TMPRSS11F: variants seen among roughly 807,000 people sequenced by gnomAD.
The protein encoded by TMPRSS11F is transmembrane serine protease 11F.
In TMPRSS11F, 47 loss-of-function variants were observed where a neutral mutation model predicts 60.2. That is an observed-to-expected ratio of 0.78 (90% CI 0.62 to 1.00). TMPRSS11F has a LOEUF of 1.00. TMPRSS11F is among the 50% of genes least tolerant of loss of function. The probability of loss-of-function intolerance (pLI) is 0.00; values close to 1 mark genes in which losing one functional copy is unlikely to be tolerated. For missense variants in TMPRSS11F, 519 were observed against 522.9 expected, an observed-to-expected ratio of 0.99 and a Z score of 0.07; for synonymous variants, 166 against 167.3, an observed-to-expected ratio of 0.99 and a Z score of 0.06.
At position 68,068,609 on chromosome 4, in the gene TMPRSS11F, T is replaced by C. The variant is rs1361225040; in HGVS notation, c.755+9A>G. On this transcript the variant is annotated intron_variant, in intron 7 of 9. Coordinates refer to ENST00000356291, the MANE Select transcript of TMPRSS11F (RefSeq NM_207407.2). Reference sequence around the variant, plus strand: ...AAAAGAAGGCTCACAGCAGCCTTGGTTAACTTACTTCCAAAAGCAGTGAGC... The same window carrying C: ...AAAAGAAGGCTCACAGCAGCCTTGGCTAACTTACTTCCAAAAGCAGTGAGC... 6.2e-7 allele frequency: 1 copy of C among 1,612,846 alleles called. No homozygotes were observed. Among genetic ancestry groups the C allele is most frequent in the Non-Finnish European group, 8.5e-7 (1 of 1,179,022 alleles).
At chr4:68,075,858 T>A (rs1723572518) in intron 3 of TMPRSS11F, among the ~76,000 whole-genome samples, 1 of 151,730 alleles carries the variant, frequency 6.6e-6, no homozygotes, top group Admixed American at 6.6e-5. Flanking sequence ...CTGGCCATGG[T>A]GGTAGGCGCC....
intron 9 of TMPRSS11F, 54 bp from the exon 10 acceptor site, chr4:68,054,121 G>C (rs1336185754): frequency 6.5e-7 from 1 of 1,536,376 alleles, no homozygotes; most frequent in African/African-American, 1.4e-5. Flanking sequence ...CAGTGGGAAG[G>C]TATTGTAATC....
At chr4:68,122,955 C>CTAA (rs1348689337) in intron 1 of TMPRSS11F, among the ~76,000 whole-genome samples, 3 of 152,138 alleles carry the variant, frequency 2.0e-5, no homozygotes, top group African/African-American at 4.8e-5. Context: ...AGAACATAGT[C>CTAA]ACAGTTGCCT....
chr4:68,098,287 A>G, intron 2 of TMPRSS11F, among the ~76,000 whole-genome samples: 1 of 152,270 alleles, frequency 6.6e-6, no homozygotes, highest in African/African-American at 2.4e-5. Flanking sequence ...CCTGGGTGAT[A>G]ACTCAAGAAT....
chr4:68,068,524 G>A (rs1298440584), intron 7 of TMPRSS11F, 94 bp downstream of exon 7: 4 of 1,078,372 alleles, frequency 3.7e-6, no homozygotes, highest in African/African-American at 3.1e-5. Context: ...TGGAGCAAAG[G>A]TTAAACTGGA....
At chr4:68,061,737 A>G in intron 8 of TMPRSS11F, 1 of 419,474 alleles carries the variant, frequency 2.4e-6, no homozygotes, top group Non-Finnish European at 4.7e-6. Context: ...GTCTTGCTCT[A>G]CTAGCTTCCT....
intron 1 of TMPRSS11F, among the ~76,000 whole-genome samples, chr4:68,126,447 T>C (rs1177869881): frequency 6.6e-6 from 1 of 152,220 alleles, no homozygotes; most frequent in Non-Finnish European, 1.5e-5. Context: ...GTCTCTAGTT[T>C]TCAGCTTTTT....
At chr4:68,114,299 C>T (rs914947381) in intron 1 of TMPRSS11F, among the ~76,000 whole-genome samples, 1 of 151,136 alleles carries the variant, frequency 6.6e-6, no homozygotes, top group African/African-American at 2.4e-5. Context: ...TCAATAGAAA[C>T]AAGTCAGTTC....
At chr4:68,077,343 T>C (rs1723606711) in intron 3 of TMPRSS11F, 1 of 152,242 alleles carries the variant, frequency 6.6e-6, no homozygotes, top group South Asian at 2.1e-4. Context: ...TCTAACCCTC[T>C]AAGTTCCACA....
chr4:68,101,913 A>G (rs1046844002), intron 1 of TMPRSS11F, among the ~76,000 whole-genome samples: 2 of 152,110 alleles, frequency 1.3e-5, no homozygotes, highest in African/African-American at 4.8e-5. Context: ...TATAGTCCTC[A>G]TGTTGTACAT....
intron 1 of TMPRSS11F, among the ~76,000 whole-genome samples, chr4:68,112,861 A>G (rs949152942): frequency 6.6e-6 from 1 of 152,178 alleles, no homozygotes; most frequent in African/African-American, 2.4e-5. Context: ...GGCAGAATCT[A>G]TAGCATTCTT....
Position 68,077,195 on chromosome 4 carries a change from G to A in TMPRSS11F, c.283-3186C>T, listed in dbSNP as rs953015726. 2.0e-5 allele frequency: 3 copies of A among 152,286 alleles called. No homozygotes were observed. The East Asian group carries it at 5.8e-4, about 29-fold the overall frequency. The allele number at this position is 152,286 out of a possible 1,614,324, so 9.4% of individuals were successfully genotyped here. ...ATGAGCATACTGGGATAGCCAGCTG[G>A]ATGTAGGAGCCCCACTCCTGGGAAA... On this transcript the variant is annotated intron_variant, in intron 3 of 9. Coordinates refer to ENST00000356291, the MANE Select transcript of TMPRSS11F (RefSeq NM_207407.2).
At chr4:68,119,041 A>T (rs1307850623) in intron 1 of TMPRSS11F, among the ~76,000 whole-genome samples, 2 of 152,170 alleles carry the variant, frequency 1.3e-5, no homozygotes, top group Non-Finnish European at 2.9e-5. Context: ...TAAAAGTGTT[A>T]TTCCAGTGAA....
intron 1 of TMPRSS11F, among the ~76,000 whole-genome samples, chr4:68,115,444 T>C (rs1366720859): frequency 2.0e-5 from 3 of 151,180 alleles, no homozygotes; most frequent in East Asian, 1.9e-4. Context: ...ATAGCTAATA[T>C]ATGCAATGGT....
intron 1 of TMPRSS11F, among the ~76,000 whole-genome samples, chr4:68,105,059 T>G (rs1444197485): frequency 9.0e-5 from 13 of 145,230 alleles, no homozygotes; most frequent in African/African-American, 2.8e-4. Context: ...GTTTTTTTTT[T>G]TTTTTTTTTT....
intron 1 of TMPRSS11F, among the ~76,000 whole-genome samples, chr4:68,123,825 A>G (rs73823613): frequency 0.022 from 3,302 of 152,316 alleles, 118 homozygotes; most frequent in African/African-American, 0.074. Context: ...TAACAAGACA[A>G]GCCTCTACAA....
intron 8 of TMPRSS11F, 77 bp from the exon 9 acceptor site, chr4:68,059,545 T>C (rs1038425822): frequency 3.8e-5 from 54 of 1,405,610 alleles, no homozygotes; most frequent in Non-Finnish European, 4.9e-5. Context: ...AGAAGACACA[T>C]AAATTGTAGC....
intron 3 of TMPRSS11F, among the ~76,000 whole-genome samples, chr4:68,086,966 C>T (rs1560401634): frequency 6.6e-6 from 1 of 152,052 alleles, no homozygotes; most frequent in Admixed American, 6.6e-5. Context: ...GGTACCAATC[C>T]TACTGAAATT....
intron 1 of TMPRSS11F, among the ~76,000 whole-genome samples, chr4:68,104,258 T>C (rs1215119115): frequency 6.6e-6 from 1 of 152,120 alleles, no homozygotes; most frequent in Non-Finnish European, 1.5e-5. Flanking sequence ...CTGATTACGA[T>C]ATTGGTTGTA....
Sources: allele counts gnomAD v4.1 joint callset (sites outside exome capture counted in the v4.1 genomes callset), GRCh38; gene constraint gnomAD v4.1.1; transcripts MANE v1.5; gene names NCBI Gene and HGNC (gene_info 2026-07-23, HGNC 2026-07-21).